The following PCDH15 variants were observed in gnomAD, a reference collection of about 807,000 sequenced individuals.
PCDH15 encodes protocadherin-15.
In PCDH15, 129 loss-of-function variants were observed where a neutral mutation model predicts 178.5. The ratio of observed to expected loss-of-function variants is 0.72; its 90% CI spans 0.63 to 0.84. The LOEUF (loss-of-function observed/expected upper bound fraction) is 0.84, where lower values mean the gene tolerates loss of function less well. PCDH15 is among the 40% of genes least tolerant of loss of function. The pLI is 0.00. For missense variants in PCDH15, 2,230 were observed against 2,099.9 expected (o/e 1.06, Z -1.21); for synonymous variants, 800 against 732.0 (o/e 1.09, Z -1.50).
In PCDH15 at chr10:53,931,454, T is replaced by C. The variant is rs188874490; in HGVS notation, c.3373+7361A>G. On this transcript the variant is annotated intron_variant, in intron 25 of 37. Transcript: ENST00000644397. ...GACAAATCTTTATTGGGGGTATTTA[T>C]GTGCCATGCATTTTAGGCTATTGGG... Among the ~76,000 whole-genome samples, 877 of 152,322 alleles carry C rather than the reference T, an allele frequency of 5.8e-3. 11 individuals carry two copies. Among genetic ancestry groups the C allele is most frequent in the African/African-American group, 0.02 (849 of 41,570 alleles).
intron 15 of PCDH15, among the ~76,000 whole-genome samples, chr10:54,096,597 A>G (rs1182558916): frequency 6.6e-6 from 1 of 152,156 alleles, no homozygotes; most frequent in East Asian, 1.9e-4. Flanking sequence ...AGCAGATCCC[A>G]TGCACCTTTT....
chr10:54,749,566 A>G (rs1391671284), intron 1 of PCDH15, among the ~76,000 whole-genome samples: 1 of 152,126 alleles, frequency 6.6e-6, no homozygotes, highest in East Asian at 1.9e-4. Flanking sequence ...ATCTCTTCAA[A>G]TTTGTTCCAT....
chr10:54,651,036 T>G (rs1453026319), intron 2 of PCDH15, among the ~76,000 whole-genome samples: 1 of 151,684 alleles, frequency 6.6e-6, no homozygotes, highest in South Asian at 2.1e-4. Flanking sequence ...CTACAAGCAA[T>G]CAATCAAGAA....
intron 3 of PCDH15, among the ~76,000 whole-genome samples, chr10:54,452,221 C>T (rs2076523389): frequency 6.6e-6 from 1 of 151,976 alleles, no homozygotes; most frequent in South Asian, 2.1e-4. Context: ...TACCTCTTAG[C>T]CAATACTAAG....
At chr10:54,244,561 A>G (rs1387117608) in intron 8 of PCDH15, among the ~76,000 whole-genome samples, 1 of 152,224 alleles carries the variant, frequency 6.6e-6, no homozygotes, top group Non-Finnish European at 1.5e-5. Flanking sequence ...GGCTTTGACT[A>G]TCAAAAATCG....
intron 26 of PCDH15, among the ~76,000 whole-genome samples, chr10:53,892,114 G>A (rs973569216): frequency 5.7e-5 from 8 of 141,254 alleles, no homozygotes; most frequent in South Asian, 2.4e-4. Flanking sequence ...AACCTCAGAC[G>A]CCTGGATTCA....
intron 3 of PCDH15, among the ~76,000 whole-genome samples, chr10:54,883,370 A>T (rs889945122): frequency 1.3e-5 from 2 of 152,028 alleles, no homozygotes; most frequent in Non-Finnish European, 2.9e-5. Context: ...ATTTTATAAT[A>T]CATTTTTACT....
chr10:55,335,736 C>T (rs1386341569), intron 2 of PCDH15, among the ~76,000 whole-genome samples: 1 of 151,986 alleles, frequency 6.6e-6, no homozygotes, highest in Non-Finnish European at 1.5e-5. Context: ...TTTTTTTAAT[C>T]TAAATCTAAA....
chr10:54,636,125 A>G (rs2093847148), intron 2 of PCDH15, among the ~76,000 whole-genome samples: 1 of 151,898 alleles, frequency 6.6e-6, no homozygotes, highest in South Asian at 2.1e-4. Flanking sequence ...TAAAACCTTT[A>G]TTTTTTCCTA....
chr10:54,782,531 G>C (rs993964122), intron 1 of PCDH15, among the ~76,000 whole-genome samples: 1 of 152,068 alleles, frequency 6.6e-6, no homozygotes, highest in Admixed American at 6.6e-5. Flanking sequence ...GATTACAGAA[G>C]AATCCATTAA....
chr10:53,808,909 G>C (rs1347079167), intron 37 of PCDH15: 14 of 1,578,682 alleles, frequency 8.9e-6, no homozygotes, highest in Non-Finnish European at 1.2e-5. Flanking sequence ...GATATCTTGA[G>C]CTTCAGGGTC....
At chr10:53,824,062 C>A (rs1227203449) in intron 32 of PCDH15, among the ~76,000 whole-genome samples, 1 of 151,956 alleles carries the variant, frequency 6.6e-6, no homozygotes, top group Admixed American at 6.6e-5. Flanking sequence ...TAGTACCAAT[C>A]AGAAAAGATG....
intron 2 of PCDH15, among the ~76,000 whole-genome samples, chr10:54,930,348 G>A (rs554964052): frequency 2.6e-5 from 4 of 152,184 alleles, no homozygotes; most frequent in African/African-American, 9.6e-5. Flanking sequence ...TGTAGGACCG[G>A]AAGTCCCACT....
chr10:54,019,277 T>G (rs749845320), intron 20 of PCDH15, among the ~76,000 whole-genome samples: 1 of 152,138 alleles, frequency 6.6e-6, no homozygotes, highest in Non-Finnish European at 1.5e-5. Context: ...ATTATTGTCA[T>G]GTAAAGTCAT....
chr10:55,049,898 C>A (rs1841114248), intron 2 of PCDH15, among the ~76,000 whole-genome samples: 2 of 152,002 alleles, frequency 1.3e-5, no homozygotes, highest in Admixed American at 1.3e-4. Context: ...TCAGGTAAGA[C>A]TATTTTGCAC....
chr10:54,548,847 T>G (rs2086192142), intron 2 of PCDH15, among the ~76,000 whole-genome samples: 2 of 151,290 alleles, frequency 1.3e-5, no homozygotes, highest in African/African-American at 2.4e-5. Flanking sequence ...CCATAAAACT[T>G]TTTGAGCCTG....
intron 28 of PCDH15, among the ~76,000 whole-genome samples, chr10:53,841,787 A>G (rs2077662672): frequency 6.6e-6 from 1 of 152,100 alleles, no homozygotes; most frequent in Admixed American, 6.6e-5. Context: ...ATGTGTAAAA[A>G]AGGAGGAGGA....
At chr10:54,294,133 C>T (rs1279359235) in intron 8 of PCDH15, among the ~76,000 whole-genome samples, 1 of 152,098 alleles carries the variant, frequency 6.6e-6, no homozygotes, top group Non-Finnish European at 1.5e-5. Context: ...GAATACTGTG[C>T]AGCCATAAAA....
intron 2 of PCDH15, among the ~76,000 whole-genome samples, chr10:55,614,945 C>T (rs1843444901): frequency 3.9e-5 from 6 of 152,070 alleles, no homozygotes; most frequent in Admixed American, 3.3e-4. Context: ...TTTCTAAGAA[C>T]ATAATTTTCC....
Sources: gnomAD v4.1 joint callset for allele counts (sites outside exome capture counted in the v4.1 genomes callset) on GRCh38, gnomAD v4.1.1 for gene constraint, MANE v1.5 for transcripts, NCBI Gene and HGNC (gene_info 2026-07-23, HGNC 2026-07-21) for gene names.